STX18: variants seen among roughly 807,000 people sequenced by gnomAD.
The protein encoded by STX18 is syntaxin-18.
In STX18, 40 loss-of-function variants were observed where a neutral mutation model predicts 50.1. The ratio of observed to expected loss-of-function variants is 0.80; its 90% CI spans 0.62 to 1.04. The LOEUF (loss-of-function observed/expected upper bound fraction) is 1.04, where lower values mean the gene tolerates loss of function less well. STX18 is among the 50% of genes least tolerant of loss of function. STX18 has a pLI of 0.00. For missense variants in STX18, 410 were observed against 415.8 expected (o/e 0.99, Z 0.12); for synonymous variants, 158 against 151.8 (o/e 1.04, Z -0.30).
upstream of STX18, chr4:4,542,158 A>C (rs1412621802): frequency 1.0e-5 from 7 of 671,150 alleles, no homozygotes; most frequent in Non-Finnish European, 1.6e-5. Context: ...CAGCCGGCGC[A>C]CCTGGCGGAG....
chr4:4,522,025 G>C (rs533579392), intron 1 of STX18, among the ~76,000 whole-genome samples: 1 of 152,192 alleles, frequency 6.6e-6, no homozygotes, highest in African/African-American at 2.4e-5. Flanking sequence ...GTACAGGACA[G>C]AGGGTACACA....
intron 1 of STX18, among the ~76,000 whole-genome samples, chr4:4,486,364 T>C (rs1312957103): frequency 2.6e-5 from 4 of 152,226 alleles, no homozygotes; most frequent in African/African-American, 9.6e-5. Flanking sequence ...GTCATTCACA[T>C]GTCAATAAGA....
At chr4:4,514,615 A>G (rs6446656) in intron 1 of STX18, among the ~76,000 whole-genome samples, 23,250 of 152,198 alleles carry the variant, frequency 0.15, 1,849 homozygotes, top group Non-Finnish European at 0.18. Context: ...GTAATACAAT[A>G]GGATAGGATA....
chr4:4,453,045 G>A (rs1726850102), intron 5 of STX18, among the ~76,000 whole-genome samples: 1 of 152,182 alleles, frequency 6.6e-6, no homozygotes, highest in Non-Finnish European at 1.5e-5. Flanking sequence ...GATAGAAGCT[G>A]CTTATTATGG....
chr4:4,457,027 C>T (rs1577339539), intron 5 of STX18, among the ~76,000 whole-genome samples, 164 bp downstream of exon 5: 1 of 152,220 alleles, frequency 6.6e-6, no homozygotes, highest in Non-Finnish European at 1.5e-5. Flanking sequence ...AAGTGGCTGG[C>T]ATGCTGCCTG....
At chr4:4,512,901 C>G (rs959618469) in intron 1 of STX18, among the ~76,000 whole-genome samples, 1 of 152,068 alleles carries the variant, frequency 6.6e-6, no homozygotes, top group Non-Finnish European at 1.5e-5. Context: ...TTTTAACATG[C>G]GACTCTGCCT....
At chr4:4,476,668 T>C (rs961815701) in intron 1 of STX18, among the ~76,000 whole-genome samples, 1 of 152,244 alleles carries the variant, frequency 6.6e-6, no homozygotes, top group African/African-American at 2.4e-5. Context: ...ACTAGGATTA[T>C]GTTTTCATTT....
intron 1 of STX18, among the ~76,000 whole-genome samples, chr4:4,538,705 T>C (rs1035218159): frequency 5.3e-5 from 8 of 152,158 alleles, no homozygotes; most frequent in Non-Finnish European, 7.4e-5. Flanking sequence ...GTCCACTTTA[T>C]AGAAATGGAA....
chr4:4,433,381 C>G (rs1224776253), intron 7 of STX18, among the ~76,000 whole-genome samples: 1 of 152,016 alleles, frequency 6.6e-6, no homozygotes, highest in Non-Finnish European at 1.5e-5. Context: ...CAAAGAATTC[C>G]CCTGCGGAAG....
At chr4:4,538,609 T>C (rs779649529) in intron 1 of STX18, among the ~76,000 whole-genome samples, 3 of 152,096 alleles carry the variant, frequency 2.0e-5, no homozygotes, top group Non-Finnish European at 4.4e-5. Flanking sequence ...AGTCTGTTTT[T>C]TTAAAATACA....
At chr4:4,456,835 G>C (rs1414504016) in intron 5 of STX18, among the ~76,000 whole-genome samples, 1 of 152,202 alleles carries the variant, frequency 6.6e-6, no homozygotes, top group Non-Finnish European at 1.5e-5. Flanking sequence ...ATCGGGTTAA[G>C]AGACAAAATG....
At chr4:4,424,480 C>T (rs1213460864) in intron 8 of STX18, among the ~76,000 whole-genome samples, 2 of 152,116 alleles carry the variant, frequency 1.3e-5, no homozygotes, top group South Asian at 2.1e-4. Context: ...GAAAGCTAGG[C>T]TGTCAGAGGA....
intron 1 of STX18, among the ~76,000 whole-genome samples, chr4:4,522,776 C>T (rs1340330868): frequency 2.0e-5 from 3 of 152,098 alleles, no homozygotes; most frequent in Non-Finnish European, 4.4e-5. Flanking sequence ...AAAAAATAAT[C>T]CAGCAAATAA....
intron 5 of STX18, chr4:4,453,823 C>G (rs1726909073): frequency 1.0e-5 from 2 of 194,294 alleles, no homozygotes; most frequent in South Asian, 3.6e-4. Context: ...GCCACCTTCA[C>G]CACTACTCAC....
At chr4:4,450,672 C>T (rs1305935322) in intron 5 of STX18, among the ~76,000 whole-genome samples, 1 of 152,184 alleles carries the variant, frequency 6.6e-6, no homozygotes, top group Non-Finnish European at 1.5e-5. Flanking sequence ...CCCTCTCCAT[C>T]CCTCTCCAGC....
At chr4:4,490,191 A>T (rs567623653) in intron 1 of STX18, among the ~76,000 whole-genome samples, 1 of 152,346 alleles carries the variant, frequency 6.6e-6, no homozygotes, top group African/African-American at 2.4e-5. Context: ...GTAAAACTTG[A>T]CAATGTTCAA....
intron 1 of STX18, among the ~76,000 whole-genome samples, chr4:4,524,682 G>A (rs941100167): frequency 1.2e-4 from 19 of 152,218 alleles, no homozygotes; most frequent in Admixed American, 5.2e-4. Flanking sequence ...CCAGGCCTGT[G>A]GTGACACTGT....
chr4:4,419,784 C>A lies in STX18; in HGVS notation c.*250G>T. ...CCACTCCTGCATTCAGTCTGTCTTG[C>A]CTGATGAGGGCTACGCAGGCTGCCT... On this transcript the variant is annotated 3_prime_UTR_variant, in exon 11 of 11. Coordinates refer to ENST00000306200, the MANE Select transcript of STX18 (RefSeq NM_016930.4). 2.4e-6 allele frequency: 1 copy of A among 411,656 alleles called. No individual in the cohort carries two copies. The highest frequency in any genetic ancestry group is 4.5e-6 in the Non-Finnish European group (1 of 223,832). The allele number at this position is 411,656 out of a possible 1,614,324, so 25.5% of individuals were successfully genotyped here.
At chr4:4,476,714 C>T (rs59782571) in intron 1 of STX18, among the ~76,000 whole-genome samples, 2,977 of 152,122 alleles carry the variant, frequency 0.02, 96 homozygotes, top group African/African-American at 0.068. Context: ...ATTTTATACA[C>T]GGAACAACTT....
Sources: gnomAD v4.1 joint callset for allele counts (sites outside exome capture counted in the v4.1 genomes callset) on GRCh38, gnomAD v4.1.1 for gene constraint, MANE v1.5 for transcripts, NCBI Gene and HGNC (gene_info 2026-07-23, HGNC 2026-07-21) for gene names.